COL26A1: variants seen among roughly 807,000 people sequenced by gnomAD.
COL26A1 encodes the protein collagen type XXVI alpha 1 chain.
A neutral mutation model predicts 59.3 loss-of-function variants in COL26A1; 41 were observed. The ratio of observed to expected loss-of-function variants is 0.69; its 90% CI spans 0.54 to 0.90. COL26A1 has a LOEUF of 0.90. COL26A1 is among the 40% of genes least tolerant of loss of function. The pLI is 0.00. For synonymous variants in COL26A1, 266 were observed against 256.0 expected (o/e 1.04, Z -0.37); for missense variants, 612 against 602.3 (o/e 1.02, Z -0.17).
At chr7:101,523,529 A>G (rs1795180861) in intron 3 of COL26A1, among the ~76,000 whole-genome samples, 1 of 152,044 alleles carries the variant, frequency 6.6e-6, no homozygotes. Context: ...TAGATCTACA[A>G]TCCAACTGGA....
chr7:101,416,823 T>C (rs1792379544), intron 1 of COL26A1, among the ~76,000 whole-genome samples: 1 of 143,392 alleles, frequency 7.0e-6, no homozygotes, highest in African/African-American at 2.5e-5. Context: ...CACTGCAGTC[T>C]CAAACTCCTG....
chr7:101,500,681 C>T (rs35029113), intron 3 of COL26A1, among the ~76,000 whole-genome samples: 16,851 of 151,736 alleles, frequency 0.11, 974 homozygotes, highest in African/African-American at 0.14. Flanking sequence ...ATTAGCTGGG[C>T]GTGGTGGTGG....
chr7:101,402,280 G>A (rs966473315), intron 1 of COL26A1, among the ~76,000 whole-genome samples: 2 of 152,126 alleles, frequency 1.3e-5, no homozygotes, highest in African/African-American at 4.8e-5. Flanking sequence ...ACATTCCTTA[G>A]ATTCTTATCA....
chr7:101,367,873 G>C (rs4729697), intron 1 of COL26A1, among the ~76,000 whole-genome samples: 1 of 151,930 alleles, frequency 6.6e-6, no homozygotes, highest in South Asian at 2.1e-4. Flanking sequence ...CATTCAGTCT[G>C]TGGTATTCTG....
In COL26A1 at chr7:101,497,705, G is replaced by T. The variant is rs373503101; in HGVS notation, c.386-35377G>T. ...AAAAAATAAATAAATAAAAGGCCAG[G>T]CGCAGTGGCTCACATCTGTAATCCC... On this transcript the variant is annotated intron_variant, in intron 3 of 12. Transcript: ENST00000313669. Among the ~76,000 whole-genome samples, 48 of 151,758 alleles carry T rather than the reference G, an allele frequency of 3.2e-4. 1 individual carries two copies. The highest frequency in any genetic ancestry group is 1.0e-3 in the African/African-American group (42 of 41,324).
chr7:101,555,941 T>C (rs538527621), intron 12 of COL26A1, 70 bp downstream of exon 12: 1 of 1,330,900 alleles, frequency 7.5e-7, no homozygotes, highest in South Asian at 1.3e-5. Context: ...GCTGCCCTCA[T>C]GGCTGCTGCC....
At chr7:101,543,905 G>A (rs1466583206) in intron 5 of COL26A1, 93 bp from the exon 6 acceptor site, 6 of 842,420 alleles carry the variant, frequency 7.1e-6, no homozygotes, top group African/African-American at 6.8e-5. Flanking sequence ...GCTCCTGGGG[G>A]AACGTAGGCT....
intron 7 of COL26A1, among the ~76,000 whole-genome samples, chr7:101,546,385 T>C (rs1795736238): frequency 6.7e-6 from 1 of 150,216 alleles, no homozygotes; most frequent in Admixed American, 6.7e-5. Flanking sequence ...TAGGCATGTA[T>C]CGCCACATCT....
chr7:101,503,979 TTC>T (rs935631281), intron 3 of COL26A1, among the ~76,000 whole-genome samples: 1 of 152,204 alleles, frequency 6.6e-6, no homozygotes, highest in Non-Finnish European at 1.5e-5. Context: ...AGCTGACCCT[TTC>T]TCTCTGCTGC....
rs544126507 is a variant in COL26A1 at position 101,401,568 on chromosome 7, AAG to A, written c.159-18406_159-18405del. Among the ~76,000 whole-genome samples, 1,048 of 140,648 alleles carry A rather than the reference AAG, an allele frequency of 7.5e-3. 18 individuals carry two copies. Among genetic ancestry groups the A allele is most frequent in the African/African-American group, 0.026 (991 of 37,580 alleles). 92.3% of individuals were successfully genotyped at this position (140,648 alleles called of 152,430 possible). A position where few individuals can be genotyped will look rare whatever the true frequency, so the allele number is the denominator to read the frequency against. Reference sequence around the variant, plus strand: ...GAGGAAGAGTAGGAGGAAGAAGAGAAAGAGGAGGAGGAAAAGGAGGAGGAAGA... The same window carrying A: ...GAGGAAGAGTAGGAGGAAGAAGAGAAAGGAGGAGGAAAAGGAGGAGGAAGA... On this transcript the variant is annotated intron_variant, in intron 1 of 12. Coordinates refer to ENST00000313669, the MANE Select transcript of COL26A1 (RefSeq NM_001278563.3).
rs1563000075 is a variant in COL26A1 at position 101,475,822 on chromosome 7, CTCTCTTTCTCTCTCTCTCTT to C, written c.385+28039_385+28058del. Among the ~76,000 whole-genome samples, 134 of 145,290 alleles carry C rather than the reference CTCTCTTTCTCTCTCTCTCTT, an allele frequency of 9.2e-4. 1 individual carries two copies. The highest frequency in any genetic ancestry group is 3.4e-3 in the African/African-American group (131 of 38,098). On this transcript the variant is annotated intron_variant, in intron 3 of 12. Coordinates refer to ENST00000313669, the MANE Select transcript of COL26A1 (RefSeq NM_001278563.3). ...CTTCCTTCCTTCTTTCTTTCTTTCTCTCTCTTTCTCTCTCTCTCTTTCTTTCTCTCTCTCTTTTTCTCTCT... is the reference window on the plus strand; with the variant it reads ...CTTCCTTCCTTCTTTCTTTCTTTCTCTCTTTCTCTCTCTCTTTTTCTCTCT...
intron 3 of COL26A1, among the ~76,000 whole-genome samples, chr7:101,513,786 A>T (rs1421783937): frequency 6.6e-6 from 1 of 152,256 alleles, no homozygotes; most frequent in Non-Finnish European, 1.5e-5. Context: ...TTATGACAAA[A>T]GGCAGTGTTA....
chr7:101,372,009 T>A (rs1056801124), intron 1 of COL26A1, among the ~76,000 whole-genome samples: 1 of 152,176 alleles, frequency 6.6e-6, no homozygotes, highest in Non-Finnish European at 1.5e-5. Flanking sequence ...TAAGTTGTTC[T>A]GGGGCTTACA....
chr7:101,545,009 A>C (rs1030478049), intron 6 of COL26A1, among the ~76,000 whole-genome samples: 8 of 152,118 alleles, frequency 5.3e-5, no homozygotes, highest in Non-Finnish European at 8.8e-5. Context: ...ATGGTGGCTT[A>C]TACTTGGTGT....
chr7:101,467,081 C>T (rs1584433325), intron 3 of COL26A1, among the ~76,000 whole-genome samples: 1 of 151,704 alleles, frequency 6.6e-6, no homozygotes, highest in African/African-American at 2.4e-5. Context: ...GGAGGGCAGC[C>T]CATCAGCAAC....
intron 3 of COL26A1, among the ~76,000 whole-genome samples, chr7:101,495,149 C>G (rs901784042): frequency 2.0e-5 from 3 of 152,164 alleles, no homozygotes; most frequent in Non-Finnish European, 4.4e-5. Flanking sequence ...TCGGTGCCCC[C>G]CTCCCACCTC....
intron 1 of COL26A1, among the ~76,000 whole-genome samples, chr7:101,406,735 A>G (rs922872557): frequency 2.0e-5 from 3 of 152,180 alleles, no homozygotes; most frequent in African/African-American, 7.2e-5. Flanking sequence ...TCTTGAGCCC[A>G]GGAGTTCTGA....
At chr7:101,489,231 A>T (rs1372083471) in intron 3 of COL26A1, among the ~76,000 whole-genome samples, 1 of 151,962 alleles carries the variant, frequency 6.6e-6, no homozygotes, top group Non-Finnish European at 1.5e-5. Flanking sequence ...GTGGGATTGG[A>T]GGAGCTGTGG....
chr7:101,466,794 TG>T (rs1399103882), intron 3 of COL26A1, among the ~76,000 whole-genome samples: 1 of 66,454 alleles, frequency 1.5e-5, no homozygotes, highest in East Asian at 4.6e-4. Context: ...CGGCATGTTC[TG>T]GTGTGTGTGT....
Sources: allele counts gnomAD v4.1 joint callset (sites outside exome capture counted in the v4.1 genomes callset), GRCh38; gene constraint gnomAD v4.1.1; transcripts MANE v1.5; gene names NCBI Gene and HGNC (gene_info 2026-07-23, HGNC 2026-07-21).